Variants in FABP3 observed in about 807,000 individuals in gnomAD.
FABP3 encodes the protein fatty acid-binding protein, heart.
A neutral mutation model predicts 13.4 loss-of-function variants in FABP3; 8 were observed. The ratio of observed to expected loss-of-function variants is 0.60; its 90% CI spans 0.35 to 1.07. The LOEUF is 1.07. Among genes scored for constraint, FABP3 ranks in the 50% least tolerant of loss-of-function variants. The pLI is 0.02. For synonymous variants in FABP3, 64 were observed against 60.0 expected (o/e 1.07, Z -0.31); for missense variants, 135 against 164.7 (o/e 0.82, Z 0.99).
At chr1:31,360,709 C>A (rs116127192), downstream of FABP3, among the ~76,000 whole-genome samples, 248 of 152,292 alleles carry the variant, frequency 1.6e-3, 1 homozygote, top group African/African-American at 5.8e-3. Context: ...TCCTCCTGAG[C>A]CTTCATCTTT....
chr1:31,364,459 C>A, downstream of FABP3: 1 of 498,330 alleles, frequency 2.0e-6, no homozygotes. Flanking sequence ...CAACTTCCTT[C>A]ATTCAGCAGG....
chr1:31,363,821 A>G (rs189315586), downstream of FABP3, among the ~76,000 whole-genome samples: 67 of 152,232 alleles, frequency 4.4e-4, no homozygotes, highest in African/African-American at 1.5e-3. Context: ...ATTGTGTGCT[A>G]TAATTTTTCT....
downstream of FABP3, chr1:31,364,539 A>G (rs2148492052): frequency 3.6e-6 from 1 of 274,190 alleles, no homozygotes; most frequent in East Asian, 6.5e-5. Context: ...GGCTAGAGCC[A>G]CAGAGACTGT....
chr1:31,364,001 A>C (rs564975181), downstream of FABP3: 6 of 1,607,370 alleles, frequency 3.7e-6, no homozygotes, highest in Non-Finnish European at 5.1e-6. Context: ...ATATACACAT[A>C]CAGTGTTGAT....
downstream of FABP3, among the ~76,000 whole-genome samples, chr1:31,363,542 A>G (rs1364435883): frequency 6.6e-6 from 1 of 152,102 alleles, no homozygotes; most frequent in African/African-American, 2.4e-5. Context: ...CTGTAATCAC[A>G]GCACTTCGGG....
At chr1:31,365,992 A>C in intron 3 of FABP3, 53 bp from the exon 4 acceptor site, 1 of 1,514,992 alleles carries the variant, frequency 6.6e-7, no homozygotes, top group Non-Finnish European at 9.1e-7. Context: ...CACCATTGCG[A>C]GCATTCTACC....
chr1:31,365,653 G>C lies in FABP3; in HGVS notation c.*233C>G. ...TGTTACCAAAGGCAAAAAGGCAACT[G>C]GGTGGCCTTGGCTCTGCTTTATTGA... On this transcript the variant is annotated 3_prime_UTR_variant, in exon 4 of 4. Coordinates refer to ENST00000373713, the MANE Select transcript of FABP3 (RefSeq NM_004102.5). 2 of 470,588 alleles carry C rather than the reference G, an allele frequency of 4.2e-6. No individual in the cohort carries two copies. The highest frequency in any genetic ancestry group is 7.7e-6 in the Non-Finnish European group (2 of 258,074). 29.2% of individuals were successfully genotyped at this position (470,588 alleles called of 1,614,324 possible). A position where few individuals can be genotyped will look rare whatever the true frequency, so the allele number is the denominator to read the frequency against.
chr1:31,372,929 G>A lies in FABP3; in HGVS notation c.73+13C>T, dbSNP rs768256496. On this transcript the variant is annotated intron_variant, in intron 1 of 3. Coordinates refer to ENST00000373713, the MANE Select transcript of FABP3 (RefSeq NM_004102.5). ...TCCCCAAGCCAACATCCTGAGCCCC[G>A]CGGCTTGCTCACCGAGTGACTTCAT... 6 of 1,612,158 alleles carry A rather than the reference G, an allele frequency of 3.7e-6. No individual in the cohort carries two copies. The highest frequency in any genetic ancestry group is 5.1e-6 in the Non-Finnish European group (6 of 1,179,728).
At chr1:31,362,827 A>G (rs775001924), downstream of FABP3, among the ~76,000 whole-genome samples, 94 of 152,326 alleles carry the variant, frequency 6.2e-4, no homozygotes, top group Middle Eastern at 3.4e-3. Flanking sequence ...CTGCACTTTA[A>G]AAAATGAAAG....
chr1:31,363,223 G>A (rs1051633832), downstream of FABP3, among the ~76,000 whole-genome samples: 12 of 140,922 alleles, frequency 8.5e-5, no homozygotes, highest in African/African-American at 3.2e-4. Context: ...TCGCTCTGTC[G>A]CCAAGGCTGG....
In FABP3 at chr1:31,365,704, TAAA is replaced by T. The variant is rs5773353; in HGVS notation, c.*179_*181del. 2.6e-3 allele frequency: 1,200 copies of T among 454,660 alleles called. No homozygotes were observed. The highest frequency in any genetic ancestry group is 3.4e-3 in the Middle Eastern group (6 of 1,782). The allele number at this position is 454,660 out of a possible 1,614,324, so 28.2% of individuals were successfully genotyped here. On this transcript the variant is annotated 3_prime_UTR_variant, in exon 4 of 4. Transcript: ENST00000373713. ...CCTCAGAGCACCCTATGAGTGCAGT[TAAA>T]AAAAAAAAAAAAAAACCACATACAC... is the stretch of plus-strand genomic sequence containing the variant.
chr1:31,369,305 C>G (rs1405729521), intron 2 of FABP3, 80 bp downstream of exon 2: 3 of 1,472,728 alleles, frequency 2.0e-6, no homozygotes, highest in Non-Finnish European at 2.8e-6. Flanking sequence ...GGGTGCAATA[C>G]CAGGGAGCCA....
At chr1:31,364,334 C>T (rs1640051081), downstream of FABP3, 1 of 1,404,738 alleles carries the variant, frequency 7.1e-7, no homozygotes, top group Non-Finnish European at 9.4e-7. Flanking sequence ...TCCCCTCATG[C>T]AACAGGCAGG....
downstream of FABP3, among the ~76,000 whole-genome samples, chr1:31,362,792 AG>A (rs34143418): frequency 6.6e-6 from 1 of 152,200 alleles, no homozygotes; most frequent in African/African-American, 2.4e-5. Context: ...GCTAGTCTTT[AG>A]GGGCGCCTTT....
At chr1:31,367,910 G>A (rs929448045) in intron 2 of FABP3, among the ~76,000 whole-genome samples, 5 of 152,220 alleles carry the variant, frequency 3.3e-5, no homozygotes, top group Admixed American at 3.3e-4. Context: ...GTAGTCCTGA[G>A]AATCTTTATC....
downstream of FABP3, chr1:31,364,498 T>C (rs1275323980): frequency 8.2e-6 from 3 of 363,984 alleles, no homozygotes; most frequent in East Asian, 4.5e-5. Context: ...CAGCTGCCAC[T>C]GCCAGAGCTG....
chr1:31,363,643 G>T (rs1253825626), downstream of FABP3, among the ~76,000 whole-genome samples: 1 of 152,266 alleles, frequency 6.6e-6, no homozygotes, highest in South Asian at 2.1e-4. Flanking sequence ...TTAGCAGGGT[G>T]TGGTGGTGCA....
chr1:31,361,778 A>G (rs1436569639), downstream of FABP3, among the ~76,000 whole-genome samples: 3 of 149,834 alleles, frequency 2.0e-5, no homozygotes, highest in Non-Finnish European at 4.4e-5. Context: ...TTTTGGGGAG[A>G]GGGGGAGATT....
chr1:31,361,001 ACT>A (rs1639867314), downstream of FABP3, among the ~76,000 whole-genome samples: 3 of 152,006 alleles, frequency 2.0e-5, no homozygotes, highest in East Asian at 1.9e-4. Flanking sequence ...CTGGTGCCAG[ACT>A]CTGTATTTTC....
Sources: gnomAD v4.1 joint callset for allele counts (sites outside exome capture counted in the v4.1 genomes callset) on GRCh38, gnomAD v4.1.1 for gene constraint, MANE v1.5 for transcripts, NCBI Gene and HGNC (gene_info 2026-07-23, HGNC 2026-07-21) for gene names.